The following TBC1D2B variants were observed in gnomAD, a reference collection of about 807,000 sequenced individuals.
TBC1D2B encodes the protein TBC1 domain family member 2B, also known as TBC1 domain family, member 2B.
Under a neutral mutation model 100.8 loss-of-function variants are expected in TBC1D2B, and 64 were observed. The ratio of observed to expected loss-of-function variants is 0.64; its 90% CI spans 0.52 to 0.78. TBC1D2B has a LOEUF of 0.78. Among genes scored for constraint, TBC1D2B ranks in the 30% least tolerant of loss-of-function variants. The pLI is 0.00. For missense variants in TBC1D2B, 1,052 were observed against 1,218.4 expected (o/e 0.86, Z 2.03); for synonymous variants, 480 against 479.7 (o/e 1.00, Z -0.01).
At chr15:78,059,464 C>T (rs779251202) in intron 1 of TBC1D2B, among the ~76,000 whole-genome samples, 20 of 152,310 alleles carry the variant, frequency 1.3e-4, no homozygotes, top group Non-Finnish European at 2.5e-4. Flanking sequence ...GCTGCATGAA[C>T]GTCCTGGGTG....
chr15:78,070,192 T>G (rs1376744112), intron 1 of TBC1D2B, among the ~76,000 whole-genome samples: 1 of 152,062 alleles, frequency 6.6e-6, no homozygotes, highest in Non-Finnish European at 1.5e-5. Flanking sequence ...CACCCCCACC[T>G]AAGGGCCTCT....
intron 1 of TBC1D2B, among the ~76,000 whole-genome samples, chr15:78,075,605 GTA>G (rs1567038374): frequency 1.3e-5 from 2 of 152,162 alleles, no homozygotes; most frequent in Non-Finnish European, 2.9e-5. Context: ...GGGACAGCCC[GTA>G]TGTACACTGA....
intron 11 of TBC1D2B, 39 bp downstream of exon 11, chr15:78,003,266 G>A (rs1221782068): frequency 1.3e-6 from 2 of 1,583,752 alleles, no homozygotes; most frequent in Non-Finnish European, 1.7e-6. Context: ...CGGTTGTCAA[G>A]TGTGTATATC....
At chr15:78,028,145 G>A (rs546032130) in intron 4 of TBC1D2B, among the ~76,000 whole-genome samples, 1 of 152,294 alleles carries the variant, frequency 6.6e-6, no homozygotes, top group African/African-American at 2.4e-5. Flanking sequence ...GTTATTTTAT[G>A]TTTAAAACAT....
At chr15:78,008,880 A>G (rs2072146402) in intron 10 of TBC1D2B, 117 bp downstream of exon 10, 1 of 677,126 alleles carries the variant, frequency 1.5e-6, no homozygotes, top group Non-Finnish European at 2.6e-6. Context: ...TTCAGGAATC[A>G]GTCTCTGAAG....
intron 1 of TBC1D2B, among the ~76,000 whole-genome samples, chr15:78,072,779 TC>T (rs1330342649): frequency 2.6e-5 from 4 of 152,118 alleles, no homozygotes; most frequent in African/African-American, 7.2e-5. Flanking sequence ...ATGCTCTCCT[TC>T]CCCTAAGTGC....
chr15:78,068,379 A>ACACC (rs1220844864), intron 1 of TBC1D2B, among the ~76,000 whole-genome samples: 6 of 127,752 alleles, frequency 4.7e-5, no homozygotes, highest in Non-Finnish European at 6.8e-5. Flanking sequence ...CACACACACC[A>ACACC]CACCCACACA....
At chr15:78,040,618 A>AAGAGAGAGAGAGAGAAAGAAAGAG (rs10657887) in intron 3 of TBC1D2B, among the ~76,000 whole-genome samples, 2 of 132,480 alleles carry the variant, frequency 1.5e-5, no homozygotes, top group Non-Finnish European at 3.0e-5. Context: ...GAGAGAAAGA[A>AAGAGAGAGAGAGAGAAAGAAAGAG]AGAGAGAGAG....
rs1567020881 is a variant in TBC1D2B, at chr15:78,026,197, C to T, written c.848-700G>A. ...AAACATTGCTATACTTTGAATGTGT[C>T]CCCCAAAGTTTATGTGTTAGAAATT... is the stretch of plus-strand genomic sequence containing the variant. On this transcript the variant is annotated intron_variant, in intron 4 of 12. Coordinates refer to ENST00000300584, the MANE Select transcript of TBC1D2B (RefSeq NM_144572.2). Among the ~76,000 whole-genome samples the T allele has an allele frequency of 2.0e-5, 3 of 151,210 alleles. No homozygotes were observed. The South Asian group carries it at 6.3e-4, about 32-fold the overall frequency.
intron 12 of TBC1D2B, among the ~76,000 whole-genome samples, chr15:77,999,987 T>C (rs1487140650): frequency 2.6e-5 from 4 of 152,206 alleles, no homozygotes; most frequent in African/African-American, 9.6e-5. Context: ...ACTCCCTCCC[T>C]GTGTTTCTGA....
At chr15:78,042,538 G>T (rs970746872) in intron 3 of TBC1D2B, among the ~76,000 whole-genome samples, 1 of 152,156 alleles carries the variant, frequency 6.6e-6, no homozygotes, top group Non-Finnish European at 1.5e-5. Context: ...TTACTGAGAA[G>T]CCCAATACTT....
At chr15:78,041,048 A>T (rs919691401) in intron 3 of TBC1D2B, among the ~76,000 whole-genome samples, 8 of 152,180 alleles carry the variant, frequency 5.3e-5, no homozygotes, top group African/African-American at 1.7e-4. Context: ...CTTATTAAAA[A>T]GTGGAACAAG....
At chr15:78,067,137 T>C (rs1425332003) in intron 1 of TBC1D2B, among the ~76,000 whole-genome samples, 1 of 152,234 alleles carries the variant, frequency 6.6e-6, no homozygotes, top group Admixed American at 6.5e-5. Flanking sequence ...ATCGTTCATG[T>C]GTTTGGAGAA....
At chr15:78,028,498 T>C (rs2072729130) in intron 4 of TBC1D2B, among the ~76,000 whole-genome samples, 1 of 152,184 alleles carries the variant, frequency 6.6e-6, no homozygotes, top group African/African-American at 2.4e-5. Flanking sequence ...AATCTAGGAT[T>C]GTAAATGAAT....
chr15:78,052,132 T>G (rs1397919808), intron 2 of TBC1D2B, among the ~76,000 whole-genome samples: 1 of 152,136 alleles, frequency 6.6e-6, no homozygotes, highest in East Asian at 1.9e-4. Context: ...TCCCCACAAC[T>G]GCTTCCAGCC....
intron 1 of TBC1D2B, among the ~76,000 whole-genome samples, chr15:78,065,168 T>A (rs2073632021): frequency 6.6e-6 from 1 of 152,178 alleles, no homozygotes; most frequent in African/African-American, 2.4e-5. Context: ...AGCACCCCTT[T>A]TAAAAAGCAA....
At position 77,995,678 on chromosome 15, in the gene TBC1D2B, T is replaced by C. The variant is rs575444256; in HGVS notation, c.*2482A>G. The C allele has an allele frequency of 6.6e-6, 1 of 152,654 alleles. No individual in the cohort carries two copies. The highest frequency in any genetic ancestry group is 1.9e-4 in the East Asian group (1 of 5,194). The allele number at this position is 152,654 out of a possible 1,614,324, so 9.5% of individuals were successfully genotyped here. ...CAACCCATAAAAAACCCCATCCATTTAAAAGTTGGCAATTCCTAGCAGGTG... is the reference window on the plus strand; with the variant it reads ...CAACCCATAAAAAACCCCATCCATTCAAAAGTTGGCAATTCCTAGCAGGTG... On this transcript the variant is annotated 3_prime_UTR_variant, in exon 13 of 13. Coordinates refer to ENST00000300584, the MANE Select transcript of TBC1D2B (RefSeq NM_144572.2).
intron 12 of TBC1D2B, among the ~76,000 whole-genome samples, chr15:77,999,996 G>C (rs1030285999): frequency 6.6e-6 from 1 of 152,198 alleles, no homozygotes; most frequent in Non-Finnish European, 1.5e-5. Context: ...CTGTGTTTCT[G>C]AAGGCCGATC....
chr15:78,013,679 A>G (rs2072294928), intron 8 of TBC1D2B, among the ~76,000 whole-genome samples: 1 of 152,240 alleles, frequency 6.6e-6, no homozygotes, highest in African/African-American at 2.4e-5. Context: ...TATCATATAT[A>G]TACACTACAT....
Sources: allele counts gnomAD v4.1 joint callset (sites outside exome capture counted in the v4.1 genomes callset), GRCh38; gene constraint gnomAD v4.1.1; transcripts MANE v1.5; gene names NCBI Gene and HGNC (gene_info 2026-07-23, HGNC 2026-07-21).